The following ZNF516 variants were observed in gnomAD, a reference collection of about 807,000 sequenced individuals.
ZNF516 encodes the protein zinc finger protein 516.
ZNF516 carries 19 observed loss-of-function variants against 79.7 expected under a neutral mutation model. That is an observed-to-expected ratio of 0.24 (90% CI 0.17 to 0.35). The LOEUF is 0.35. Ranked by LOEUF, ZNF516 falls within the 10% of genes least tolerant of loss-of-function variation. ZNF516 has a pLI of 1.00. For synonymous variants in ZNF516, 877 were observed against 739.5 expected (o/e 1.19, Z -3.02); for missense variants, 1,678 against 1,679.5 (o/e 1.00, Z 0.02).
intron 3 of ZNF516, among the ~76,000 whole-genome samples, chr18:76,428,008 A>G (rs2145432436): frequency 6.6e-6 from 1 of 152,356 alleles, no homozygotes; most frequent in Non-Finnish European, 1.5e-5. Context: ...CTTTTGGTGG[A>G]CATGAGGATT....
chr18:76,473,164 G>T (rs1051781808), intron 1 of ZNF516, among the ~76,000 whole-genome samples: 2 of 150,882 alleles, frequency 1.3e-5, no homozygotes, highest in African/African-American at 4.9e-5. Flanking sequence ...TAAAGGACAA[G>T]AAATATAATT....
chr18:76,457,429 A>T (rs984600482), intron 2 of ZNF516, among the ~76,000 whole-genome samples: 3 of 152,234 alleles, frequency 2.0e-5, no homozygotes, highest in African/African-American at 7.2e-5. Flanking sequence ...TCATGCTTTA[A>T]AGAGGGATGT....
chr18:76,401,455 T>C (rs985837587), intron 3 of ZNF516, among the ~76,000 whole-genome samples: 4 of 152,178 alleles, frequency 2.6e-5, no homozygotes, highest in Non-Finnish European at 4.4e-5. Flanking sequence ...CCTGGATCTA[T>C]GAATTCAAAA....
chr18:76,443,942 G>A (rs1911886899), intron 2 of ZNF516, among the ~76,000 whole-genome samples: 1 of 152,208 alleles, frequency 6.6e-6, no homozygotes, highest in South Asian at 2.1e-4. Context: ...CCACCCACCA[G>A]AGGGTGAGGA....
chr18:76,423,885 C>A (rs1206648111), intron 3 of ZNF516, among the ~76,000 whole-genome samples: 6 of 114,292 alleles, frequency 5.2e-5, no homozygotes, highest in Admixed American at 8.9e-5. Flanking sequence ...TGAAAAGGTT[C>A]CCCCGAAACA....
chr18:76,439,671 A>G (rs2145517466), intron 3 of ZNF516, among the ~76,000 whole-genome samples: 1 of 152,342 alleles, frequency 6.6e-6, no homozygotes, highest in Middle Eastern at 3.4e-3. Context: ...TTAGCTTACT[A>G]TGAATCAGGT....
intron 1 of ZNF516, chr18:76,492,657 G>C: frequency 1.1e-6 from 1 of 940,170 alleles, no homozygotes; most frequent in Non-Finnish European, 1.3e-6. Context: ...ACGCACCAGG[G>C]CGCGCGTGCC....
At chr18:76,375,136 A>G (rs2074765712) in intron 4 of ZNF516, among the ~76,000 whole-genome samples, 1 of 152,216 alleles carries the variant, frequency 6.6e-6, no homozygotes, top group Non-Finnish European at 1.5e-5. Context: ...AGGAAACATG[A>G]GTGTTCTGTT....
intron 3 of ZNF516, among the ~76,000 whole-genome samples, chr18:76,431,229 C>T (rs567877504): frequency 2.0e-5 from 3 of 151,982 alleles, no homozygotes; most frequent in South Asian, 2.1e-4. Flanking sequence ...TGAAAAATTA[C>T]GAACTTGTGC....
chr18:76,483,981 TC>T (rs1204245319), intron 1 of ZNF516, among the ~76,000 whole-genome samples: 3 of 152,208 alleles, frequency 2.0e-5, no homozygotes, highest in African/African-American at 7.2e-5. Flanking sequence ...ACATGTTTCT[TC>T]TCTGTGGAGC....
intron 3 of ZNF516, among the ~76,000 whole-genome samples, chr18:76,391,427 TCTAACA>T (rs1345651160): frequency 2.6e-5 from 4 of 151,860 alleles, no homozygotes; most frequent in Non-Finnish European, 4.4e-5. Flanking sequence ...AACCACTAAC[TCTAACA>T]CTATTAACCC....
chr18:76,438,717 C>G (rs1181608763), intron 3 of ZNF516, among the ~76,000 whole-genome samples: 1 of 152,182 alleles, frequency 6.6e-6, no homozygotes, highest in Non-Finnish European at 1.5e-5. Context: ...TTCACTTAAT[C>G]TAATAATGCA....
At chr18:76,426,735 T>C (rs1757059549) in intron 3 of ZNF516, among the ~76,000 whole-genome samples, 1 of 152,186 alleles carries the variant, frequency 6.6e-6, no homozygotes, top group African/African-American at 2.4e-5. Flanking sequence ...TTATTTCTCA[T>C]CTATGTGCAG....
chr18:76,368,385 G>C lies in ZNF516; in HGVS notation c.3432+2143C>G, dbSNP rs576472532. Among the ~76,000 whole-genome samples the C allele has an allele frequency of 2.0e-5, 3 of 152,042 alleles. No individual in the cohort carries two copies. The South Asian group carries it at 6.2e-4, about 32-fold the overall frequency. On this transcript the variant is annotated intron_variant, in intron 6 of 6. Transcript: ENST00000443185. The stretch of plus-strand genomic sequence containing the variant: ...AAAAGCTACTTTAAATGTAATGAAA[G>C]ACAAAAAGTACCATCAGAGGCCATG...
At chr18:76,431,497 C>A (rs1188099349) in intron 3 of ZNF516, among the ~76,000 whole-genome samples, 1 of 152,210 alleles carries the variant, frequency 6.6e-6, no homozygotes, top group Non-Finnish European at 1.5e-5. Context: ...CCCGGCATGA[C>A]GGGGCTTGGA....
chr18:76,450,562 C>T (rs2145607337), intron 2 of ZNF516, among the ~76,000 whole-genome samples: 1 of 152,178 alleles, frequency 6.6e-6, no homozygotes, highest in East Asian at 1.9e-4. Context: ...AAGAAACCCA[C>T]CCACGGGCTC....
In ZNF516 at chr18:76,358,229, T is replaced by TAGA. The variant is rs1406507454; in HGVS notation, c.*4266_*4268dup. ...TGTTTTTATTTATTTCAAATTCCAA[T>TAGA]AGAATGAATATGTTTTATCTAAATA... On this transcript the variant is annotated 3_prime_UTR_variant, in exon 7 of 7. Coordinates refer to ENST00000443185, the MANE Select transcript of ZNF516 (RefSeq NM_014643.4). 3.9e-5 allele frequency: 6 copies of TAGA among 152,214 alleles called. No individual in the cohort carries two copies. The highest frequency in any genetic ancestry group is 1.4e-4 in the African/African-American group (6 of 41,460). 9.4% of individuals were successfully genotyped at this position (152,214 alleles called of 1,614,324 possible).
At chr18:76,424,664 A>C (rs1407147439) in intron 3 of ZNF516, among the ~76,000 whole-genome samples, 2 of 113,056 alleles carry the variant, frequency 1.8e-5, no homozygotes, top group Non-Finnish European at 1.8e-5. Flanking sequence ...AGGTTCCCCC[A>C]TGAAACACAC....
intron 3 of ZNF516, among the ~76,000 whole-genome samples, chr18:76,414,197 T>C (rs144497089): frequency 1.0e-3 from 152 of 152,364 alleles, no homozygotes; most frequent in South Asian, 9.3e-3. Flanking sequence ...CATTACCAAT[T>C]GTTTACAATC....
Sources: allele counts gnomAD v4.1 joint callset (sites outside exome capture counted in the v4.1 genomes callset), GRCh38; gene constraint gnomAD v4.1.1; transcripts MANE v1.5; gene names NCBI Gene and HGNC (gene_info 2026-07-23, HGNC 2026-07-21).